The following PRKCSH variants were observed in gnomAD, a reference collection of about 807,000 sequenced individuals.
PRKCSH encodes the protein PRKCSH beta subunit of glucosidase II.
In PRKCSH, 42 loss-of-function variants were observed where a neutral mutation model predicts 79.7. The observed-to-expected ratio is 0.53, with a 90% CI of 0.41 to 0.68. The LOEUF is 0.68. PRKCSH is among the 30% of genes least tolerant of loss of function. The probability of loss-of-function intolerance (pLI) is 0.00; values close to 1 mark genes in which losing one functional copy is unlikely to be tolerated. For synonymous variants in PRKCSH, 325 were observed against 288.2 expected (o/e 1.13, Z -1.29); for missense variants, 686 against 709.0 (o/e 0.97, Z 0.37).
intron 7 of PRKCSH, 91 bp from the exon 8 acceptor site, chr19:11,445,298 T>C (rs1970241638): frequency 8.3e-7 from 1 of 1,207,184 alleles, no homozygotes; most frequent in Non-Finnish European, 1.2e-6. Context: ...AGGCATATAG[T>C]AGGCGCTTGG....
rs112604914 is a variant in PRKCSH at position 11,438,126 on chromosome 19, T to G, written c.350+2T>G. 2 of 1,613,898 alleles carry G rather than the reference T, an allele frequency of 1.2e-6. No individual in the cohort carries two copies. On this transcript the variant is annotated splice_donor_variant, in intron 5 of 17. Transcript: ENST00000677123. LOFTEE classifies it high-confidence loss of function. ...CGTCATCTGTGAGAACACCTGCAAG[T>G]ACGTGGGTGACAGTACCCCTCCCAT...
intron 3 of PRKCSH, chr19:11,436,868 G>A (rs73512726): frequency 0.017 from 5,724 of 346,884 alleles, 333 homozygotes; most frequent in African/African-American, 0.11. Context: ...GTTTTTGTGT[G>A]TTTTGAAGAG....
In PRKCSH at chr19:11,436,102, C is replaced by T; in HGVS notation, c.-16C>T. On this transcript the variant is annotated 5_prime_UTR_variant, in exon 2 of 18. Coordinates refer to ENST00000677123, the MANE Select transcript of PRKCSH (RefSeq NM_001289104.2). ...CTCCCACAGAACCCGTTTCGGGCCTCAGAGCGTCTGGTGAGATGCTGTTGC... is the reference window on the plus strand; with the variant it reads ...CTCCCACAGAACCCGTTTCGGGCCTTAGAGCGTCTGGTGAGATGCTGTTGC... 6.2e-7 allele frequency: 1 copy of T among 1,607,582 alleles called. No homozygotes were observed. Among genetic ancestry groups the T allele is most frequent in the Non-Finnish European group, 8.5e-7 (1 of 1,179,950 alleles).
intron 2 of PRKCSH, 34 bp from the exon 3 acceptor site, chr19:11,436,355 A>C (rs200476201): frequency 6.2e-7 from 1 of 1,604,092 alleles, no homozygotes; most frequent in Non-Finnish European, 8.5e-7. Context: ...GAAGGCGCTT[A>C]CCTGCCCTGG....
chr19:11,441,282 C>G lies in PRKCSH; in HGVS notation c.393C>G (p.Ala131=). ...AGAGAGAGTCCCTGCAGCAGATGGC[C>G]GAGGTCACCCGCGAAGGGTTCCGTC... The part of the protein sequence containing the change: ...RKERESLQQM[A]EVTREGFRLK... The change falls in exon 6 of 18, where the codon GCC becomes GCG. Residue 131 remains alanine (A), a synonymous_variant. Coordinates refer to ENST00000677123, the MANE Select transcript of PRKCSH (RefSeq NM_001289104.2). 6.2e-7 allele frequency: 1 copy of G among 1,614,040 alleles called. No individual in the cohort carries two copies. The highest frequency in any genetic ancestry group is 8.5e-7 in the Non-Finnish European group (1 of 1,179,986).
At position 11,446,337 on chromosome 19, in the gene PRKCSH, A is replaced by G. The variant is rs1970296986; in HGVS notation, c.749A>G (p.Glu250Gly). 6.2e-7 allele frequency: 1 copy of G among 1,613,552 alleles called. No homozygotes were observed. The highest frequency in any genetic ancestry group is 1.7e-5 in the Admixed American group (1 of 59,968). The change falls in exon 9 of 18, where the codon GAA becomes GGA. Residue 250 changes from glutamate (E) to glycine (G), a missense_variant. By Grantham distance (98) the Glu-to-Gly change is moderately conservative. Transcript: ENST00000677123. The stretch of plus-strand genomic sequence containing the variant: ...ACAGATGGGGATGGGGCGTTGTCAG[A>G]AGCGGAAGCTCAGGTACCCCCGGCT... ...LDTDGDGALS[E>G]AEAQALLSGD...
intron 5 of PRKCSH, among the ~76,000 whole-genome samples, chr19:11,440,325 T>G (rs76361019): frequency 6.6e-6 from 1 of 151,772 alleles, no homozygotes; most frequent in Non-Finnish European, 1.5e-5. Context: ...TTTTTTTTTT[T>G]GTATTTTTAG....
intron 1 of PRKCSH, 92 bp downstream of exon 1, chr19:11,435,798 T>A (rs1599476249): frequency 7.1e-7 from 1 of 1,418,426 alleles, no homozygotes; most frequent in East Asian, 3.1e-5. Context: ...CGGAGGCTGT[T>A]AATCCCTTTG....
chr19:11,436,686 T>A (rs1253536418), intron 3 of PRKCSH, 181 bp downstream of exon 3: 3 of 606,606 alleles, frequency 4.9e-6, no homozygotes, highest in Non-Finnish European at 8.9e-6. Context: ...GTCGTCCTCC[T>A]CCCAAGCCTC....
At chr19:11,445,545 T>A in intron 8 of PRKCSH, 72 bp downstream of exon 8, 1 of 1,462,968 alleles carries the variant, frequency 6.8e-7, no homozygotes, top group Non-Finnish European at 9.5e-7. Flanking sequence ...CCCTCGCCTC[T>A]AGAAACCAGC....
intron 5 of PRKCSH, among the ~76,000 whole-genome samples, chr19:11,440,356 G>A (rs1026727949): frequency 3.3e-5 from 5 of 151,438 alleles, no homozygotes; most frequent in African/African-American, 1.2e-4. Flanking sequence ...GTTTCACCGT[G>A]TTAGCCCGGA....
At chr19:11,441,919 A>T (rs1481824278) in intron 6 of PRKCSH, among the ~76,000 whole-genome samples, 1 of 152,108 alleles carries the variant, frequency 6.6e-6, no homozygotes, top group African/African-American at 2.4e-5. Flanking sequence ...CGGGGTAGAG[A>T]CTTCTTGCCC....
In PRKCSH at chr19:11,448,945, G is replaced by C; in HGVS notation, c.1318G>C (p.Val440Leu). 6.2e-7 allele frequency: 1 copy of C among 1,614,178 alleles called. No homozygotes were observed. The highest frequency in any genetic ancestry group is 8.5e-7 in the Non-Finnish European group (1 of 1,180,028). Residue 440 changes from valine (V) to leucine (L), a missense_variant, in exon 15 of 18, where the codon GTC becomes CTC. Coordinates refer to ENST00000677123, the MANE Select transcript of PRKCSH (RefSeq NM_001289104.2). This position sits in a 1 kb window ranked among gnomAD's most constrained non-coding sequence, Gnocchi z 4.4. ...CTACCGCCTCTGCCCCTTCAAGCTT[G>C]TCTCGCAGAAACCCAAACTCGGGGG... is the stretch of plus-strand genomic sequence containing the variant. ...YVYRLCPFKL[V>L]SQKPKLGGSP...
Position 11,449,484 on chromosome 19 carries a change from C to T in PRKCSH, c.*16+56C>T, listed in dbSNP as rs759604300. 913 of 1,607,524 alleles carry T rather than the reference C, an allele frequency of 5.7e-4. 1 individual carries two copies. Among genetic ancestry groups the T allele is most frequent in the Non-Finnish European group, 7.3e-4 (863 of 1,176,608 alleles). On this transcript the variant is annotated intron_variant, in intron 17 of 17. Coordinates refer to ENST00000677123, the MANE Select transcript of PRKCSH (RefSeq NM_001289104.2). This position sits in a 1 kb window ranked among gnomAD's most constrained non-coding sequence, Gnocchi z 6.4. Reference sequence around the variant, plus strand: ...GCCCCAGCAAGGGGAGGCGGCGGGCCCTGAGGAAGATGGACCCACATGGCC... The same window carrying T: ...GCCCCAGCAAGGGGAGGCGGCGGGCTCTGAGGAAGATGGACCCACATGGCC...
rs113463494 is a variant in PRKCSH, at chr19:11,446,772, A to C, written c.763-302A>C. On this transcript the variant is annotated intron_variant, in intron 9 of 17. Coordinates refer to ENST00000677123, the MANE Select transcript of PRKCSH (RefSeq NM_001289104.2). ...GCCTGGGCCTTGGCCTCTCCCTTGG[A>C]GGGCCTGGCCCTCTCTGGTCCTGGG... Among the ~76,000 whole-genome samples, 948 of 151,582 alleles carry C rather than the reference A, an allele frequency of 6.3e-3. 4 individuals are homozygous for C. Among genetic ancestry groups the C allele is most frequent in the Non-Finnish European group, 8.5e-3 (580 of 67,848 alleles).
In PRKCSH at chr19:11,447,680, G is replaced by C. The variant is rs1208755881; in HGVS notation, c.1030-13G>C. On this transcript the variant is annotated splice_polypyrimidine_tract_variant and intron_variant, in intron 11 of 17. Transcript: ENST00000677123. The surrounding 1 kb of genome is among the most constrained non-coding windows in gnomAD (Gnocchi z 5.6). ...GGGGGAAGGGCTACTCACTGACCCTGCCCCTGCCCCAGGAGGCCCCACCGC... is the reference window on the plus strand; with the variant it reads ...GGGGGAAGGGCTACTCACTGACCCTCCCCCTGCCCCAGGAGGCCCCACCGC... The C allele has an allele frequency of 6.4e-7, 1 of 1,564,564 alleles. No homozygotes were observed. The highest frequency in any genetic ancestry group is 1.8e-5 in the Admixed American group (1 of 54,076).
chr19:11,443,768 A>AT (rs906673976), intron 7 of PRKCSH, among the ~76,000 whole-genome samples: 3 of 151,498 alleles, frequency 2.0e-5, no homozygotes, highest in East Asian at 3.9e-4. Flanking sequence ...GCAACTGAAG[A>AT]TTTTTTTTTA....
chr19:11,449,525 G>A lies in PRKCSH; in HGVS notation c.*16+97G>A. The stretch of plus-strand genomic sequence containing the variant: ...CCACATGGCCACTCTATCAACCTGT[G>A]TCCCCATGTTCCCTGCTTTTTTGTT... On this transcript the variant is annotated intron_variant, in intron 17 of 17. Coordinates refer to ENST00000677123, the MANE Select transcript of PRKCSH (RefSeq NM_001289104.2). This position sits in a 1 kb window ranked among gnomAD's most constrained non-coding sequence, Gnocchi z 6.4. 6.6e-7 allele frequency: 1 copy of A among 1,505,344 alleles called. No individual in the cohort carries two copies. Among genetic ancestry groups the A allele is most frequent in the Non-Finnish European group, 9.2e-7 (1 of 1,092,512 alleles). 93.2% of individuals were successfully genotyped at this position (1,505,344 alleles called of 1,614,324 possible). A position where few individuals can be genotyped will look rare whatever the true frequency, so the allele number is the denominator to read the frequency against.
In PRKCSH at chr19:11,447,459, A is replaced by G; in HGVS notation, c.870A>G (p.Pro290=). The G allele has an allele frequency of 6.2e-7, 1 of 1,613,930 alleles. No homozygotes were observed. The highest frequency in any genetic ancestry group is 1.3e-5 in the African/African-American group (1 of 75,050). Residue 290 remains proline, a synonymous_variant, in exon 11 of 18, where the codon CCA becomes CCG. Coordinates refer to ENST00000677123, the MANE Select transcript of PRKCSH (RefSeq NM_001289104.2). This position sits in a 1 kb window ranked among gnomAD's most constrained non-coding sequence, Gnocchi z 5.6. ...GCCAGGCACTGCCCACCGACCTTCC[A>G]GCACCTTCTGCCCCTGACTTGACGG... ...YRSEALPTDL[P]APSAPDLTEP... is the part of the protein sequence containing the mutation.
Sources: gnomAD v4.1 joint callset for allele counts (sites outside exome capture counted in the v4.1 genomes callset) on GRCh38, gnomAD v4.1.1 for gene constraint, Gnocchi (gnomAD v3.1) non-coding constraint, MANE v1.5 for transcripts, NCBI Gene and HGNC (gene_info 2026-07-23, HGNC 2026-07-21) for gene names.